The following IL1RAPL1 variants were observed in gnomAD, a reference collection of about 807,000 sequenced individuals.
IL1RAPL1 encodes interleukin-1 receptor accessory protein-like 1.
In IL1RAPL1, 3 loss-of-function variants were observed where a neutral mutation model predicts 48.4. The ratio of observed to expected loss-of-function variants is 0.06; its 90% CI spans 0.03 to 0.16. The LOEUF (loss-of-function observed/expected upper bound fraction) is 0.16, where lower values mean the gene tolerates loss of function less well. IL1RAPL1 is among the 10% of genes least tolerant of loss of function. The pLI, the probability that IL1RAPL1 is intolerant of heterozygous loss-of-function variation, is 1.00. For missense variants in IL1RAPL1, 349 were observed against 530.6 expected, an observed-to-expected ratio of 0.66 and a Z score of 3.36; for synonymous variants, 185 against 187.7, an observed-to-expected ratio of 0.99 and a Z score of 0.12.
At chrX:29,931,567 ACAAT>A (rs774958416) in intron 8 of IL1RAPL1, among the ~76,000 whole-genome samples, 3 of 112,550 alleles carry the variant, frequency 2.7e-5, no homozygotes, top group Admixed American at 1.9e-4. Context: ...ATATTGCAAT[ACAAT>A]CAGTTTATAT....
intron 2 of IL1RAPL1, among the ~76,000 whole-genome samples, chrX:28,806,920 C>T (rs1936739506): frequency 9.0e-6 from 1 of 110,958 alleles, no homozygotes; most frequent in Non-Finnish European, 1.9e-5. Flanking sequence ...TTGGAAGCTC[C>T]GTTGGGACCT....
intron 2 of IL1RAPL1, among the ~76,000 whole-genome samples, chrX:28,839,542 A>G (rs1013273037): frequency 9.1e-6 from 1 of 110,419 alleles, no homozygotes; most frequent in African/African-American, 3.3e-5. Flanking sequence ...ATTATATGTG[A>G]TACCAAATTT....
intron 6 of IL1RAPL1, among the ~76,000 whole-genome samples, chrX:29,862,170 A>AT (rs1413183456): frequency 9.0e-6 from 1 of 111,584 alleles, no homozygotes; most frequent in African/African-American, 3.3e-5. Context: ...AAAAAAAAAA[A>AT]AAAAATAAGA....
At chrX:29,240,972 C>T (rs1189904154) in intron 2 of IL1RAPL1, among the ~76,000 whole-genome samples, 2 of 112,368 alleles carry the variant, frequency 1.8e-5, no homozygotes, top group African/African-American at 6.5e-5. Context: ...TTTAAATATT[C>T]TGTCAAATGG....
At chrX:29,575,932 A>G (rs2147800975) in intron 5 of IL1RAPL1, among the ~76,000 whole-genome samples, 1 of 111,951 alleles carries the variant, frequency 8.9e-6, no homozygotes, top group East Asian at 2.8e-4. Flanking sequence ...GACCTCTATC[A>G]CCTGACGTAG....
intron 2 of IL1RAPL1, among the ~76,000 whole-genome samples, chrX:28,912,422 C>T (rs1261582027): frequency 9.1e-6 from 1 of 110,090 alleles, no homozygotes; most frequent in Non-Finnish European, 1.9e-5. Context: ...GATTTTATTC[C>T]GGATTTTATG....
chrX:29,593,616 T>C (rs961057201), intron 5 of IL1RAPL1, among the ~76,000 whole-genome samples: 5 of 112,183 alleles, frequency 4.5e-5, no homozygotes, highest in Admixed American at 1.9e-4. Flanking sequence ...TACACGTTCA[T>C]TTCAATATCC....
At chrX:29,342,997 G>A (rs1933103705) in intron 3 of IL1RAPL1, among the ~76,000 whole-genome samples, 1 of 111,854 alleles carries the variant, frequency 8.9e-6, no homozygotes, top group African/African-American at 3.2e-5. Context: ...GTCGTTCTTG[G>A]ACAGTTCAGC....
chrX:29,862,305 A>G (rs1931604611), intron 6 of IL1RAPL1, among the ~76,000 whole-genome samples: 1 of 111,763 alleles, frequency 8.9e-6, no homozygotes, highest in Admixed American at 9.5e-5. Flanking sequence ...TACAGAATTC[A>G]TGCATGGTAT....
intron 5 of IL1RAPL1, among the ~76,000 whole-genome samples, chrX:29,601,328 T>G (rs2147062170): frequency 8.9e-6 from 1 of 112,381 alleles, no homozygotes; most frequent in South Asian, 3.7e-4. Context: ...AGATTGATAT[T>G]GTATTAGTTG....
At chrX:29,541,372 CG>C (rs1921433552) in intron 5 of IL1RAPL1, among the ~76,000 whole-genome samples, 1 of 111,471 alleles carries the variant, frequency 9.0e-6, no homozygotes, top group Non-Finnish European at 1.9e-5. Context: ...AGTGCTTTGA[CG>C]GTTTCTCAAA....
intron 2 of IL1RAPL1, among the ~76,000 whole-genome samples, chrX:29,112,057 G>C (rs1446749644): frequency 9.4e-6 from 1 of 106,613 alleles, no homozygotes; most frequent in Non-Finnish European, 1.9e-5. Flanking sequence ...TGCCCCCCGA[G>C]TAGCTGGGAC....
At chrX:29,168,728 T>C (rs939371094) in intron 2 of IL1RAPL1, among the ~76,000 whole-genome samples, 3 of 87,149 alleles carry the variant, frequency 3.4e-5, no homozygotes, top group African/African-American at 1.1e-4. Flanking sequence ...CAATTGTATA[T>C]ATATATTCAT....
At chrX:29,785,271 G>A (rs1433858184) in intron 6 of IL1RAPL1, among the ~76,000 whole-genome samples, 3 of 111,806 alleles carry the variant, frequency 2.7e-5, no homozygotes, top group Non-Finnish European at 5.6e-5. Flanking sequence ...TCTTCATCAG[G>A]GAAATGTAAA....
At chrX:29,608,682 C>T (rs376780915) in intron 5 of IL1RAPL1, among the ~76,000 whole-genome samples, 6 of 100,098 alleles carry the variant, frequency 6.0e-5, no homozygotes, top group South Asian at 5.2e-4. Context: ...AAAAATTAGC[C>T]GGGCGTGGTG....
At chrX:28,996,056 A>G (rs1249221177) in intron 2 of IL1RAPL1, among the ~76,000 whole-genome samples, 1 of 111,688 alleles carries the variant, frequency 9.0e-6, no homozygotes, top group Non-Finnish European at 1.9e-5. Context: ...GAACATTTTC[A>G]TCATTCCAAA....
chrX:29,455,134 G>A (rs1934724386), intron 5 of IL1RAPL1, among the ~76,000 whole-genome samples: 1 of 111,262 alleles, frequency 9.0e-6, no homozygotes, highest in Non-Finnish European at 1.9e-5. Flanking sequence ...ATACCTAGGT[G>A]ATCAGTTGAT....
intron 5 of IL1RAPL1, among the ~76,000 whole-genome samples, chrX:29,633,051 C>A (rs1320481526): frequency 9.0e-6 from 1 of 111,275 alleles, no homozygotes; most frequent in Non-Finnish European, 1.9e-5. Context: ...ATACAATATA[C>A]ACGAGTATGT....
At chrX:29,909,953 C>A (rs1018002545) in intron 6 of IL1RAPL1, among the ~76,000 whole-genome samples, 11 of 111,438 alleles carry the variant, frequency 9.9e-5, no homozygotes, top group Admixed American at 9.6e-4. Flanking sequence ...AAGACACATG[C>A]ATGCGTACGT....
Sources: gnomAD v4.1 joint callset for allele counts (sites outside exome capture counted in the v4.1 genomes callset) on GRCh38, gnomAD v4.1.1 for gene constraint, MANE v1.5 for transcripts, NCBI Gene and HGNC (gene_info 2026-07-23, HGNC 2026-07-21) for gene names.